The following CCDC141 variants were observed in gnomAD, a reference collection of about 807,000 sequenced individuals.
CCDC141 encodes coiled-coil domain-containing protein 141.
A neutral mutation model predicts 181.0 loss-of-function variants in CCDC141; 168 were observed. The observed-to-expected ratio is 0.93, with a 90% CI of 0.82 to 1.05. The LOEUF is 1.05. Among genes scored for constraint, CCDC141 ranks in the 50% least tolerant of loss-of-function variants. CCDC141 has a pLI of 0.00. For synonymous variants in CCDC141, 666 were observed against 642.3 expected (o/e 1.04, Z -0.56); for missense variants, 1,902 against 1,788.5 (o/e 1.06, Z -1.14).
chr2:178,841,398 C>A (rs1169535965), intron 22 of CCDC141, among the ~76,000 whole-genome samples: 1 of 152,154 alleles, frequency 6.6e-6, no homozygotes, highest in African/African-American at 2.4e-5. Context: ...ATTAAATAAT[C>A]ATCTCGGGAA....
intron 23 of CCDC141, chr2:178,835,746 T>C (rs924945310): frequency 6.6e-6 from 1 of 152,370 alleles, no homozygotes; most frequent in Non-Finnish European, 1.5e-5. Flanking sequence ...AAGAAACACA[T>C]CTGACAACAT....
chr2:178,874,982 G>A (rs1353644023), intron 12 of CCDC141: 1 of 152,138 alleles, frequency 6.6e-6, no homozygotes, highest in Admixed American at 6.5e-5. Context: ...ACCTGCCAGG[G>A]GCAGAGACGT....
At chr2:178,817,570 T>A in the CCDC141 span, 4 of 470,976 alleles carry the variant, frequency 8.5e-6, no homozygotes, top group East Asian at 6.9e-5. Flanking sequence ...TTGAACCAAG[T>A]GACACATGGT....
chr2:179,027,646 C>CAAAAAAAAAAAAAAAAAAAA (rs71023466), intron 2 of CCDC141, among the ~76,000 whole-genome samples: 19 of 53,272 alleles, frequency 3.6e-4, no homozygotes, highest in Admixed American at 7.0e-4. Context: ...CTCTTACTCT[C>CAAAAAAAAAAAAAAAAAAAA]AAAAAAAAAA....
chr2:178,972,985 C>T (rs1016478639), intron 4 of CCDC141, among the ~76,000 whole-genome samples: 1 of 152,150 alleles, frequency 6.6e-6, no homozygotes, highest in Admixed American at 6.5e-5. Flanking sequence ...TTTTGTCATC[C>T]TAACACTCAT....
intron 8 of CCDC141, among the ~76,000 whole-genome samples, chr2:178,894,882 A>G (rs180740989): frequency 6.6e-6 from 1 of 152,336 alleles, no homozygotes; most frequent in African/African-American, 2.4e-5. Context: ...AATTTGCGAC[A>G]TAATACTGAG....
intron 17 of CCDC141, among the ~76,000 whole-genome samples, chr2:178,861,635 C>CAAAA (rs550382240): frequency 2.0e-5 from 2 of 98,126 alleles, no homozygotes; most frequent in African/African-American, 3.5e-5. Flanking sequence ...GACTCAGTCT[C>CAAAA]AAAAAAAAAA....
At chr2:178,816,165 C>A in the CCDC141 span, among the ~76,000 whole-genome samples, 2 of 152,114 alleles carry the variant, frequency 1.3e-5, no homozygotes, top group African/African-American at 4.8e-5. Flanking sequence ...AGTTTCAATG[C>A]CCTAAACATC....
chr2:179,015,858 A>G (rs1157956681), intron 2 of CCDC141, among the ~76,000 whole-genome samples: 1 of 143,276 alleles, frequency 7.0e-6, no homozygotes, highest in African/African-American at 2.5e-5. Flanking sequence ...TCTCATATAT[A>G]TCTCATATAT....
intron 6 of CCDC141, among the ~76,000 whole-genome samples, chr2:178,935,021 G>A (rs1689230522): frequency 6.6e-6 from 1 of 152,030 alleles, no homozygotes. Context: ...AAAAACCACA[G>A]ATAAAAACTA....
rs755133675 is a variant in CCDC141 at position 179,047,346 on chromosome 2, T to A, written c.163A>T (p.Ser55Cys). The A allele has an allele frequency of 2.0e-4, 306 of 1,542,546 alleles. No homozygotes were observed. The highest frequency in any genetic ancestry group is 1.7e-4 in the Non-Finnish European group (200 of 1,144,658). The change falls in exon 2 of 24, where the codon AGC becomes TGC. Residue 55 changes from serine to cysteine, a missense_variant. Coordinates refer to ENST00000443758, the MANE Select transcript of CCDC141 (RefSeq NM_173648.4). ...AGTTTTTTGGTTTCATCTTGACTGC[T>A]GCCAATTTCTAGAAGATTGGGCTGT... is the stretch of plus-strand genomic sequence containing the variant. ...ESQPNLLEIGSSQDETKKLLH... is the reference protein window; with the variant it reads ...ESQPNLLEIGCSQDETKKLLH...
At chr2:179,006,448 T>C (rs963071074) in intron 2 of CCDC141, among the ~76,000 whole-genome samples, 1 of 152,156 alleles carries the variant, frequency 6.6e-6, no homozygotes, top group Non-Finnish European at 1.5e-5. Flanking sequence ...CTGCAAGATA[T>C]TGTAGGAAAT....
chr2:178,912,087 A>C (rs1006426180), intron 7 of CCDC141, among the ~76,000 whole-genome samples: 7 of 152,226 alleles, frequency 4.6e-5, no homozygotes. Context: ...CATTCAAATA[A>C]TTATTGAACA....
chr2:178,978,440 T>C (rs1387698975), intron 3 of CCDC141, 44 bp downstream of exon 3: 11 of 1,236,254 alleles, frequency 8.9e-6, no homozygotes, highest in Non-Finnish European at 1.2e-5. Flanking sequence ...GTGCTATTCA[T>C]TTGCTCTGAT....
chr2:179,047,025 G>A (rs1197283853), intron 2 of CCDC141, among the ~76,000 whole-genome samples: 1 of 151,482 alleles, frequency 6.6e-6, no homozygotes, highest in Non-Finnish European at 1.5e-5. Context: ...GAGGCAGCCA[G>A]GAAAAAAAAA....
At chr2:178,880,439 A>G (rs986872463) in intron 11 of CCDC141, among the ~76,000 whole-genome samples, 3 of 152,162 alleles carry the variant, frequency 2.0e-5, no homozygotes, top group Non-Finnish European at 4.4e-5. Flanking sequence ...AGGCAAATTG[A>G]GCAGGCAGAA....
At chr2:178,819,386 T>A in the CCDC141 span, among the ~76,000 whole-genome samples, 1 of 152,214 alleles carries the variant, frequency 6.6e-6, no homozygotes, top group Non-Finnish European at 1.5e-5. Context: ...TACTTAAAAC[T>A]ATTTAGTAAT....
intron 2 of CCDC141, among the ~76,000 whole-genome samples, chr2:178,994,042 T>A (rs1054076621): frequency 6.6e-6 from 1 of 152,192 alleles, no homozygotes; most frequent in Non-Finnish European, 1.5e-5. Context: ...CTGGTTGGCA[T>A]TGATTGTCTG....
intron 8 of CCDC141, among the ~76,000 whole-genome samples, chr2:178,902,951 T>TGAACA (rs1687776715): frequency 6.7e-6 from 1 of 148,582 alleles, no homozygotes; most frequent in African/African-American, 2.4e-5. Context: ...GCGAAGGACA[T>TGAACA]GAACAGACAC....
Sources: gnomAD v4.1 joint callset for allele counts (sites outside exome capture counted in the v4.1 genomes callset) on GRCh38, gnomAD v4.1.1 for gene constraint, MANE v1.5 for transcripts, NCBI Gene and HGNC (gene_info 2026-07-23, HGNC 2026-07-21) for gene names.